The following SPIDR variants were observed in gnomAD, a reference collection of about 807,000 sequenced individuals.
SPIDR encodes scaffold protein involved in DNA repair, also known as DNA repair-scaffolding protein.
A neutral mutation model predicts 104.6 loss-of-function variants in SPIDR; 93 were observed. The observed-to-expected ratio is 0.89, with a 90% CI of 0.75 to 1.06. The LOEUF is 1.06. Among genes scored for constraint, SPIDR ranks in the 50% least tolerant of loss-of-function variants. The pLI, the probability that SPIDR is intolerant of heterozygous loss-of-function variation, is 0.00. For synonymous variants in SPIDR, 431 were observed against 416.9 expected, an observed-to-expected ratio of 1.03 and a Z score of -0.41; for missense variants, 1,154 against 1,111.2, an observed-to-expected ratio of 1.04 and a Z score of -0.55.
intron 5 of SPIDR, among the ~76,000 whole-genome samples, chr8:47,336,057 C>T (rs782401684): frequency 6.6e-6 from 1 of 151,604 alleles, no homozygotes. Context: ...GTCCCTTTTT[C>T]TCTGCTTCTG....
At chr8:47,440,288 T>C in intron 7 of SPIDR, 35 bp from the exon 8 acceptor site, 1 of 1,583,832 alleles carries the variant, frequency 6.3e-7, no homozygotes, top group Non-Finnish European at 8.7e-7. Context: ...GTCTTTTGAT[T>C]TCATTTTTGC....
At chr8:47,592,491 CA>C (rs1283831123) in intron 8 of SPIDR, 1 of 1,423,780 alleles carries the variant, frequency 7.0e-7, no homozygotes, top group African/African-American at 1.4e-5. Flanking sequence ...TGAGAGCCAG[CA>C]ATGACCACAT....
At chr8:47,547,299 A>G (rs2089582195) in intron 8 of SPIDR, 3 of 571,108 alleles carry the variant, frequency 5.3e-6, no homozygotes, top group Non-Finnish European at 1.0e-5. Context: ...TGAGACGAAA[A>G]TTCTCTCCCA....
intron 7 of SPIDR, among the ~76,000 whole-genome samples, chr8:47,411,911 A>T (rs1284316425): frequency 9.2e-5 from 14 of 152,004 alleles, no homozygotes; most frequent in African/African-American, 3.4e-4. Context: ...TTAAATAAGG[A>T]TTCCTTTCCC....
chr8:47,569,136 GATAAA>G (rs1413446170), intron 8 of SPIDR, among the ~76,000 whole-genome samples: 2 of 152,094 alleles, frequency 1.3e-5, no homozygotes, highest in Non-Finnish European at 2.9e-5. Context: ...TATCATTGTA[GATAAA>G]ATAAACTTTA....
intron 10 of SPIDR, among the ~76,000 whole-genome samples, chr8:47,610,471 C>T (rs1010095981): frequency 6.6e-6 from 1 of 152,206 alleles, no homozygotes; most frequent in African/African-American, 2.4e-5. Flanking sequence ...TTGACTTCCT[C>T]CTCTAGCTGA....
At chr8:47,592,688 T>C in intron 8 of SPIDR, 1 of 670,494 alleles carries the variant, frequency 1.5e-6, no homozygotes, top group Non-Finnish European at 2.6e-6. Flanking sequence ...CCTCCCTCCC[T>C]ATTTATAATA....
At chr8:47,485,501 G>C (rs1445172384) in intron 8 of SPIDR, among the ~76,000 whole-genome samples, 8 of 152,212 alleles carry the variant, frequency 5.3e-5, no homozygotes, top group African/African-American at 1.9e-4. Context: ...CTTCGAGAGA[G>C]CAGTGGTTCT....
intron 3 of SPIDR, among the ~76,000 whole-genome samples, chr8:47,286,225 G>T (rs1554563123): frequency 6.6e-6 from 1 of 152,080 alleles, no homozygotes; most frequent in African/African-American, 2.4e-5. Context: ...TGAGAGCTAC[G>T]CATAATGGTT....
intron 8 of SPIDR, chr8:47,547,725 TG>T: frequency 6.1e-6 from 1 of 164,784 alleles, no homozygotes; most frequent in Non-Finnish European, 1.4e-5. Flanking sequence ...GCTGCCACGG[TG>T]GGCCACAAAT....
intron 19 of SPIDR, among the ~76,000 whole-genome samples, chr8:47,734,453 T>A (rs1159849258): frequency 1.3e-5 from 2 of 152,134 alleles, no homozygotes; most frequent in East Asian, 3.9e-4. Flanking sequence ...CTCAGTCTCT[T>A]TGGCCATGAC....
chr8:47,688,580 A>G (rs1388484711), intron 11 of SPIDR: 1 of 152,234 alleles, frequency 6.6e-6, no homozygotes, highest in Non-Finnish European at 1.5e-5. Context: ...GCTCCGGTTT[A>G]TTCGTTTTCA....
intron 11 of SPIDR, among the ~76,000 whole-genome samples, chr8:47,676,021 C>T (rs949387168): frequency 2.0e-5 from 3 of 152,214 alleles, no homozygotes; most frequent in Non-Finnish European, 4.4e-5. Context: ...TGGCTGGAGA[C>T]TGCAGGACGT....
intron 5 of SPIDR, among the ~76,000 whole-genome samples, chr8:47,362,944 C>T (rs1587708643): frequency 6.6e-6 from 1 of 152,172 alleles, no homozygotes; most frequent in Non-Finnish European, 1.5e-5. Context: ...TGAGCTACCA[C>T]GCCCAGCCAG....
At chr8:47,365,821 A>T (rs963264985) in intron 5 of SPIDR, among the ~76,000 whole-genome samples, 25 of 152,232 alleles carry the variant, frequency 1.6e-4, no homozygotes, top group African/African-American at 5.8e-4. Flanking sequence ...GCAAGTAAAG[A>T]TAAAGAGATT....
intron 8 of SPIDR, among the ~76,000 whole-genome samples, chr8:47,528,508 AT>A (rs758695149): frequency 6.6e-6 from 1 of 152,046 alleles, no homozygotes; most frequent in Non-Finnish European, 1.5e-5. Flanking sequence ...TCAGACTAGG[AT>A]TTTTTTTAAT....
intron 4 of SPIDR, 49 bp downstream of exon 4, chr8:47,291,186 T>C: frequency 7.6e-7 from 1 of 1,310,898 alleles, no homozygotes. Flanking sequence ...AGGAACATAT[T>C]GTGTCCAGAA....
chr8:47,265,526 G>A (rs2033770978), intron 1 of SPIDR, among the ~76,000 whole-genome samples: 1 of 152,010 alleles, frequency 6.6e-6, no homozygotes, highest in Non-Finnish European at 1.5e-5. Flanking sequence ...AAGGGAAAGA[G>A]AGGAAAGAGA....
chr8:47,287,203 G>A (rs1405282272), intron 3 of SPIDR, among the ~76,000 whole-genome samples: 2 of 150,006 alleles, frequency 1.3e-5, no homozygotes, highest in Non-Finnish European at 2.9e-5. Flanking sequence ...GCAAAAAGGA[G>A]AACAAAGATC....
Sources: gnomAD v4.1 joint callset for allele counts (sites outside exome capture counted in the v4.1 genomes callset) on GRCh38, gnomAD v4.1.1 for gene constraint, MANE v1.5 for transcripts, NCBI Gene and HGNC (gene_info 2026-07-23, HGNC 2026-07-21) for gene names.